Variants in BTBD9 observed in about 807,000 individuals in gnomAD.
BTBD9 encodes BTB domain containing 9.
A neutral mutation model predicts 64.3 loss-of-function variants in BTBD9; 49 were observed. The observed-to-expected ratio is 0.76, with a 90% CI of 0.61 to 0.97. The LOEUF (loss-of-function observed/expected upper bound fraction) is 0.97. BTBD9 is among the 50% of genes least tolerant of loss of function. BTBD9 has a pLI of 0.00. For synonymous variants in BTBD9, 260 were observed against 274.7 expected (o/e 0.95, Z 0.53); for missense variants, 598 against 762.1 (o/e 0.78, Z 2.53).
At chr6:38,250,863 G>C (rs1264893223) in intron 9 of BTBD9, among the ~76,000 whole-genome samples, 2 of 151,142 alleles carry the variant, frequency 1.3e-5, no homozygotes, top group East Asian at 4.2e-4. Context: ...ACAAGGTCAG[G>C]AGTTCGAGAC....
chr6:38,344,893 T>C (rs1764221903), intron 7 of BTBD9, 91 bp downstream of exon 7: 3 of 824,430 alleles, frequency 3.6e-6, no homozygotes, highest in African/African-American at 3.4e-5. Context: ...CCAGAGTCCT[T>C]AGAACTGATT....
intron 8 of BTBD9, among the ~76,000 whole-genome samples, chr6:38,279,921 T>C (rs1023749325): frequency 1.3e-5 from 2 of 152,208 alleles, no homozygotes; most frequent in African/African-American, 4.8e-5. Context: ...CTATATCTTA[T>C]GATGACTACT....
At chr6:38,225,651 T>C (rs527490365) in intron 9 of BTBD9, among the ~76,000 whole-genome samples, 1 of 152,242 alleles carries the variant, frequency 6.6e-6, no homozygotes, top group South Asian at 2.1e-4. Context: ...AATTATAAAT[T>C]GTGACAGGTG....
intron 6 of BTBD9, among the ~76,000 whole-genome samples, chr6:38,457,450 C>T (rs1769871739): frequency 1.3e-5 from 2 of 151,906 alleles, no homozygotes; most frequent in African/African-American, 4.8e-5. Context: ...ACCAATATGA[C>T]TCTCCAAAGG....
intron 7 of BTBD9, among the ~76,000 whole-genome samples, chr6:38,309,520 C>A (rs1033820307): frequency 6.6e-6 from 1 of 151,296 alleles, no homozygotes; most frequent in Admixed American, 6.6e-5. Context: ...TCAAGCGATT[C>A]TCCTGCCTCA....
intron 10 of BTBD9, among the ~76,000 whole-genome samples, chr6:38,186,612 G>A (rs988219368): frequency 6.6e-6 from 1 of 152,106 alleles, no homozygotes; most frequent in African/African-American, 2.4e-5. Flanking sequence ...CAGTTAACAG[G>A]TCCTCTATGC....
intron 7 of BTBD9, among the ~76,000 whole-genome samples, chr6:38,309,083 A>G (rs948226333): frequency 6.6e-6 from 1 of 151,462 alleles, no homozygotes; most frequent in African/African-American, 2.4e-5. Context: ...AAAAGCCCAC[A>G]AAAAGGCCAG....
chr6:38,394,845 T>C (rs982767219), intron 6 of BTBD9, among the ~76,000 whole-genome samples: 1 of 152,100 alleles, frequency 6.6e-6, no homozygotes, highest in Non-Finnish European at 1.5e-5. Flanking sequence ...GAAAAATGAA[T>C]CTCTCAATCC....
intron 9 of BTBD9, among the ~76,000 whole-genome samples, chr6:38,236,122 C>T (rs1763769992): frequency 6.6e-6 from 1 of 152,090 alleles, no homozygotes. Context: ...AAAGGAATGC[C>T]TCACTTAAGA....
At chr6:38,540,701 T>C (rs766986345) in intron 6 of BTBD9, among the ~76,000 whole-genome samples, 3 of 152,202 alleles carry the variant, frequency 2.0e-5, no homozygotes, top group Non-Finnish European at 4.4e-5. Flanking sequence ...TAAAGATTTA[T>C]AGAATAAAAA....
intron 6 of BTBD9, among the ~76,000 whole-genome samples, chr6:38,508,776 C>T (rs1332952610): frequency 2.6e-5 from 4 of 152,172 alleles, no homozygotes; most frequent in African/African-American, 7.2e-5. Context: ...ACTTCCCATG[C>T]TCTTTCTTCT....
At chr6:38,418,500 CTAT>C (rs1767771932) in intron 6 of BTBD9, among the ~76,000 whole-genome samples, 1 of 152,168 alleles carries the variant, frequency 6.6e-6, no homozygotes, top group African/African-American at 2.4e-5. Context: ...TTGCTGGTTG[CTAT>C]AGGAGAACCT....
chr6:38,379,799 C>T (rs952635456), intron 6 of BTBD9, among the ~76,000 whole-genome samples: 5 of 152,144 alleles, frequency 3.3e-5, no homozygotes, highest in Non-Finnish European at 2.9e-5. Context: ...GTGAAAATTA[C>T]TTTTACTACA....
At chr6:38,617,676 G>A (rs1325166200) in intron 1 of BTBD9, among the ~76,000 whole-genome samples, 2 of 152,126 alleles carry the variant, frequency 1.3e-5, no homozygotes, top group Non-Finnish European at 2.9e-5. Flanking sequence ...AAAATTGGGG[G>A]GATGTCCTTC....
chr6:38,320,544 T>A (rs1763194376), intron 7 of BTBD9, among the ~76,000 whole-genome samples: 1 of 152,180 alleles, frequency 6.6e-6, no homozygotes, highest in Non-Finnish European at 1.5e-5. Context: ...GGCAATGGAC[T>A]AGAAAGCAGG....
intron 9 of BTBD9, among the ~76,000 whole-genome samples, chr6:38,255,276 G>T (rs1764536366): frequency 2.0e-5 from 3 of 152,138 alleles, no homozygotes; most frequent in African/African-American, 7.2e-5. Context: ...GAGGGAAATG[G>T]GGAGTGACTG....
intron 6 of BTBD9, among the ~76,000 whole-genome samples, chr6:38,541,533 T>C (rs1774275280): frequency 6.6e-6 from 1 of 152,174 alleles, no homozygotes; most frequent in Admixed American, 6.5e-5. Flanking sequence ...GGTCAGGAGA[T>C]GGAGACCATC....
At chr6:38,523,800 A>G (rs1773371428) in intron 6 of BTBD9, among the ~76,000 whole-genome samples, 1 of 152,210 alleles carries the variant, frequency 6.6e-6, no homozygotes, top group African/African-American at 2.4e-5. Context: ...GTTATTATCT[A>G]TATTTAACAG....
chr6:38,275,638 A>C lies in BTBD9; in HGVS notation c.1454+12634T>G, dbSNP rs1238507311. Among the ~76,000 whole-genome samples, 18 of 152,142 alleles carry C rather than the reference A, an allele frequency of 1.2e-4. 1 individual carries two copies. The highest frequency in any genetic ancestry group is 6.2e-4 in the South Asian group (3 of 4,812). On this transcript the variant is annotated intron_variant, in intron 8 of 10. Coordinates refer to ENST00000481247, the MANE Select transcript of BTBD9 (RefSeq NM_001099272.2). ...AATATCCAGAATCTACAATGAACTC[A>C]AACAAATTTACAAGAAAAAAACAAA...
Sources: gnomAD v4.1 joint callset for allele counts (sites outside exome capture counted in the v4.1 genomes callset) on GRCh38, gnomAD v4.1.1 for gene constraint, MANE v1.5 for transcripts, NCBI Gene and HGNC (gene_info 2026-07-23, HGNC 2026-07-21) for gene names.